Variants in NPAS3 observed in about 807,000 individuals in gnomAD.
The protein encoded by NPAS3 is neuronal PAS domain-containing protein 3.
A neutral mutation model predicts 73.1 loss-of-function variants in NPAS3; 14 were observed. The ratio of observed to expected loss-of-function variants is 0.19; its 90% confidence interval spans 0.13 to 0.30. The LOEUF (loss-of-function observed/expected upper bound fraction) is 0.30. NPAS3 is among the 10% of genes least tolerant of loss of function. The pLI, the probability that NPAS3 is intolerant of heterozygous loss-of-function variation, is 1.00. For missense variants in NPAS3, 1,096 were observed against 1,250.0 expected, an observed-to-expected ratio of 0.88 and a Z score of 1.86; for synonymous variants, 620 against 541.5, an observed-to-expected ratio of 1.14 and a Z score of -2.01.
chr14:33,415,785 T>C (rs1476704956), intron 4 of NPAS3, among the ~76,000 whole-genome samples: 1 of 152,154 alleles, frequency 6.6e-6, no homozygotes, highest in African/African-American at 2.4e-5. Context: ...AATTCATTTC[T>C]ATCCTTCTTG....
At chr14:33,677,246 G>T (rs1306991077) in intron 6 of NPAS3, among the ~76,000 whole-genome samples, 1 of 152,042 alleles carries the variant, frequency 6.6e-6, no homozygotes, top group Non-Finnish European at 1.5e-5. Flanking sequence ...CCACATTTGT[G>T]GTTTTGTCCT....
At chr14:33,041,109 T>C (rs541118633) in intron 1 of NPAS3, among the ~76,000 whole-genome samples, 2 of 152,278 alleles carry the variant, frequency 1.3e-5, no homozygotes, top group East Asian at 3.9e-4. Flanking sequence ...GTATTGGAAC[T>C]TAAAGGCAGG....
At chr14:33,591,382 T>C (rs1412968697) in intron 5 of NPAS3, among the ~76,000 whole-genome samples, 1 of 152,098 alleles carries the variant, frequency 6.6e-6, no homozygotes, top group Non-Finnish European at 1.5e-5. Context: ...CCCCCACTGG[T>C]TGGACTAGAG....
At chr14:33,610,696 A>T (rs1376591387) in intron 5 of NPAS3, among the ~76,000 whole-genome samples, 1 of 152,174 alleles carries the variant, frequency 6.6e-6, no homozygotes, top group African/African-American at 2.4e-5. Flanking sequence ...AGCTTTCCAA[A>T]TCTTGGTTTG....
intron 3 of NPAS3, among the ~76,000 whole-genome samples, chr14:33,262,115 A>G (rs2048996664): frequency 6.6e-6 from 1 of 152,202 alleles, no homozygotes. Context: ...ACAATTTTTA[A>G]CAAGTTGAAG....
At chr14:33,398,683 T>G (rs1421686344) in intron 4 of NPAS3, among the ~76,000 whole-genome samples, 1 of 152,100 alleles carries the variant, frequency 6.6e-6, no homozygotes, top group Non-Finnish European at 1.5e-5. Context: ...AGAGTAAATC[T>G]ATAAAATATT....
chr14:33,639,606 A>G (rs950018116), intron 5 of NPAS3, among the ~76,000 whole-genome samples: 1 of 152,152 alleles, frequency 6.6e-6, no homozygotes, highest in African/African-American at 2.4e-5. Flanking sequence ...GTTCAGGTAC[A>G]TAAGAGCCAA....
In NPAS3 at chr14:33,246,943, G is replaced by C. The variant is rs1418879079; in HGVS notation, c.385+31517G>C. On this transcript the variant is annotated intron_variant, in intron 3 of 11. Transcript: ENST00000356141. ...GCAGGAGAATTGCTTGAACCTGGGA[G>C]GCAGATGTTGCAGTAAGCCAAGACC... Among the ~76,000 whole-genome samples, 3 of 151,552 alleles carry C rather than the reference G, an allele frequency of 2.0e-5. No individual in the cohort carries two copies. The East Asian group carries it at 5.8e-4, about 29-fold the overall frequency.
intron 5 of NPAS3, among the ~76,000 whole-genome samples, chr14:33,635,343 A>G (rs2058485290): frequency 6.6e-6 from 1 of 152,180 alleles, no homozygotes; most frequent in Non-Finnish European, 1.5e-5. Flanking sequence ...ATGGAATTGG[A>G]TGTGAGGAAG....
chr14:33,411,592 A>G (rs2047931461), intron 4 of NPAS3, among the ~76,000 whole-genome samples: 1 of 152,176 alleles, frequency 6.6e-6, no homozygotes, highest in South Asian at 2.1e-4. Flanking sequence ...CTCACAACAC[A>G]TTTTCCAGTT....
At chr14:33,619,450 A>T (rs1191262116) in intron 5 of NPAS3, among the ~76,000 whole-genome samples, 1 of 129,260 alleles carries the variant, frequency 7.7e-6, no homozygotes, top group Non-Finnish European at 1.9e-5. Context: ...GAGATGATTA[A>T]AAAAAAAAAT....
intron 5 of NPAS3, among the ~76,000 whole-genome samples, chr14:33,580,050 C>G (rs1341745358): frequency 6.6e-6 from 1 of 152,166 alleles, no homozygotes; most frequent in Non-Finnish European, 1.5e-5. Context: ...TCATACAATA[C>G]TAAACCTTCC....
At chr14:33,262,202 T>G (rs760384824) in intron 3 of NPAS3, among the ~76,000 whole-genome samples, 3 of 152,218 alleles carry the variant, frequency 2.0e-5, no homozygotes, top group Non-Finnish European at 4.4e-5. Context: ...GCCTTCATCA[T>G]TCTAGATCTG....
At chr14:33,762,347 A>G (rs2062321216) in intron 7 of NPAS3, among the ~76,000 whole-genome samples, 1 of 151,830 alleles carries the variant, frequency 6.6e-6, no homozygotes, top group Non-Finnish European at 1.5e-5. Context: ...TCTAGTGCTT[A>G]TGATGTTCTT....
At chr14:33,607,847 G>A (rs543053983) in intron 5 of NPAS3, among the ~76,000 whole-genome samples, 2 of 152,262 alleles carry the variant, frequency 1.3e-5, no homozygotes, top group African/African-American at 4.8e-5. Flanking sequence ...AAGCAAACAC[G>A]TCCTTCACGT....
At chr14:33,036,945 C>A (rs1260187365) in intron 1 of NPAS3, among the ~76,000 whole-genome samples, 1 of 152,116 alleles carries the variant, frequency 6.6e-6, no homozygotes, top group Non-Finnish European at 1.5e-5. Context: ...CTACAGCCAT[C>A]TTATGAACTG....
intron 1 of NPAS3, among the ~76,000 whole-genome samples, chr14:33,018,058 A>G (rs1295752643): frequency 1.3e-5 from 2 of 152,224 alleles, no homozygotes; most frequent in African/African-American, 2.4e-5. Context: ...AACTGGTCCC[A>G]TTACTCTTGA....
At chr14:33,047,606 T>A (rs759520790) in intron 1 of NPAS3, among the ~76,000 whole-genome samples, 1 of 152,232 alleles carries the variant, frequency 6.6e-6, no homozygotes, top group Non-Finnish European at 1.5e-5. Context: ...AGACAGATCC[T>A]GAAGAATGTA....
At chr14:33,761,878 A>G (rs2062304138) in intron 7 of NPAS3, among the ~76,000 whole-genome samples, 1 of 152,224 alleles carries the variant, frequency 6.6e-6, no homozygotes, top group Non-Finnish European at 1.5e-5. Flanking sequence ...AACTTAGGCT[A>G]CATGTACTCA....
Sources: allele counts gnomAD v4.1 joint callset (sites outside exome capture counted in the v4.1 genomes callset), GRCh38; gene constraint gnomAD v4.1.1; transcripts MANE v1.5; gene names NCBI Gene and HGNC (gene_info 2026-07-23, HGNC 2026-07-21).